Variants in NCALD observed in about 807,000 individuals in gnomAD.
NCALD encodes the protein neurocalcin delta.
Under a neutral mutation model 18.6 loss-of-function variants are expected in NCALD, and 10 were observed. The ratio of observed to expected loss-of-function variants is 0.54; its 90% CI spans 0.33 to 0.91. The LOEUF is 0.91. NCALD is among the 40% of genes least tolerant of loss of function. The probability of loss-of-function intolerance (pLI) is 0.03; values close to 1 mark genes in which losing one functional copy is unlikely to be tolerated. For synonymous variants in NCALD, 88 were observed against 87.4 expected, an observed-to-expected ratio of 1.01 and a Z score of -0.04; for missense variants, 184 against 247.6, an observed-to-expected ratio of 0.74 and a Z score of 1.72.
At chr8:101,960,764 A>G (rs927687238) in intron 2 of NCALD, among the ~76,000 whole-genome samples, 9 of 152,018 alleles carry the variant, frequency 5.9e-5, no homozygotes, top group Non-Finnish European at 1.3e-4. Flanking sequence ...GGTTTTGAGG[A>G]CCCTTTATTT....
At chr8:101,863,299 A>G (rs1815621433) in intron 4 of NCALD, among the ~76,000 whole-genome samples, 2 of 152,184 alleles carry the variant, frequency 1.3e-5, no homozygotes, top group Non-Finnish European at 2.9e-5. Context: ...AACTAGATTT[A>G]CCCACTCAAT....
intron 1 of NCALD, among the ~76,000 whole-genome samples, chr8:102,069,068 A>G (rs1824099116): frequency 6.6e-6 from 1 of 152,194 alleles, no homozygotes; most frequent in African/African-American, 2.4e-5. Context: ...ATGTTGTCCA[A>G]AGGGTGCAAA....
In NCALD at chr8:101,689,020, G is replaced by T; in HGVS notation, c.*289C>A. The T allele has an allele frequency of 1.4e-6, 1 of 698,626 alleles. No individual in the cohort carries two copies. The highest frequency in any genetic ancestry group is 1.5e-5 in the South Asian group (1 of 66,592). The allele number at this position is 698,626 out of a possible 1,614,324, so 43.3% of individuals were successfully genotyped here. ...CCCAACCCCCGAGTCTTACGTTTTA[G>T]AACAGAGACATTAGAATAAAAAAAA... On this transcript the variant is annotated 3_prime_UTR_variant, in exon 4 of 4. Transcript: ENST00000220931. The surrounding 1 kb of genome is among the most constrained non-coding windows in gnomAD (Gnocchi z 4.4).
At chr8:101,727,323 T>C (rs1226926099) in intron 1 of NCALD, among the ~76,000 whole-genome samples, 1 of 152,190 alleles carries the variant, frequency 6.6e-6, no homozygotes, top group African/African-American at 2.4e-5. Flanking sequence ...AGCACCTCAA[T>C]ACAAACTATT....
upstream of NCALD, among the ~76,000 whole-genome samples, chr8:101,791,929 G>A (rs558299589): frequency 2.1e-4 from 32 of 152,078 alleles, no homozygotes; most frequent in Non-Finnish European, 3.7e-4. Flanking sequence ...TTTCCTTTAC[G>A]ACGACCCTAG....
chr8:102,123,971 C>G (rs1826028965), intron 1 of NCALD: 1 of 152,670 alleles, frequency 6.6e-6, no homozygotes, highest in African/African-American at 2.4e-5. Context: ...TTTTCTGCCG[C>G]CCACCCTCAA....
intron 1 of NCALD, among the ~76,000 whole-genome samples, chr8:102,054,684 AG>A (rs1416034982): frequency 6.0e-4 from 70 of 116,320 alleles, no homozygotes; most frequent in African/African-American, 2.1e-3. Context: ...ATAGATAGAT[AG>A]ATAGATAGAT....
At chr8:102,039,142 T>C (rs911632042) in intron 1 of NCALD, among the ~76,000 whole-genome samples, 7 of 152,144 alleles carry the variant, frequency 4.6e-5, no homozygotes, top group African/African-American at 1.7e-4. Context: ...CAGGCCCTGC[T>C]ACCTCCTTGA....
At chr8:101,725,695 C>T (rs770228688) in intron 1 of NCALD, among the ~76,000 whole-genome samples, 29 of 152,202 alleles carry the variant, frequency 1.9e-4, no homozygotes, top group African/African-American at 5.5e-4. Flanking sequence ...TTCTTGCCTG[C>T]ATGCTCCCCA....
intron 1 of NCALD, among the ~76,000 whole-genome samples, chr8:102,041,001 C>T (rs1823031526): frequency 6.6e-6 from 1 of 152,202 alleles, no homozygotes; most frequent in African/African-American, 2.4e-5. Flanking sequence ...GTGCAATTTT[C>T]TGTCCTATTA....
intron 4 of NCALD, among the ~76,000 whole-genome samples, chr8:101,797,229 G>A (rs1586528819): frequency 6.6e-6 from 1 of 152,248 alleles, no homozygotes; most frequent in East Asian, 1.9e-4. Flanking sequence ...TCAAATGTTT[G>A]GGGTTTGCAA....
intron 1 of NCALD, among the ~76,000 whole-genome samples, chr8:101,776,325 C>G (rs1811788973): frequency 6.6e-6 from 1 of 152,164 alleles, no homozygotes; most frequent in African/African-American, 2.4e-5. Flanking sequence ...TCTAATGTGT[C>G]ATTCATTCTT....
At chr8:101,799,196 A>C (rs1218465074) in intron 4 of NCALD, among the ~76,000 whole-genome samples, 1 of 152,212 alleles carries the variant, frequency 6.6e-6, no homozygotes, top group African/African-American at 2.4e-5. Flanking sequence ...TATAAAAAAA[A>C]ATTTTCAACA....
rs1426251442 is a variant in NCALD at position 101,951,913 on chromosome 8, G to C, written c.-156-36055C>G. On this transcript the variant is annotated intron_variant, in intron 2 of 6. Coordinates refer to the NCALD transcript ENST00000311028. ...AGCCCCTGGTCCTCTCCAGAGCATG[G>C]AGTCCAATGTCAGTCAAGGCACAGC... 2.0e-5 allele frequency among the ~76,000 whole-genome samples: 3 copies of C among 152,318 alleles called. No homozygotes were observed. In the East Asian group the frequency reaches 5.8e-4, roughly 29 times the overall value.
chr8:101,981,448 A>G (rs1195641300), intron 2 of NCALD, among the ~76,000 whole-genome samples: 1 of 152,232 alleles, frequency 6.6e-6, no homozygotes, highest in Admixed American at 6.5e-5. Flanking sequence ...AAAACATTTT[A>G]TAACCTTTCT....
chr8:101,696,977 C>A (rs1815022851), intron 2 of NCALD, among the ~76,000 whole-genome samples: 1 of 151,602 alleles, frequency 6.6e-6, no homozygotes, highest in South Asian at 2.1e-4. Flanking sequence ...AACAGAGACA[C>A]AAAAAACCCT....
At chr8:101,733,038 G>A (rs1048275400) in intron 1 of NCALD, among the ~76,000 whole-genome samples, 4 of 152,098 alleles carry the variant, frequency 2.6e-5, no homozygotes, top group South Asian at 2.1e-4. Context: ...TGCAACTCAC[G>A]GTCCCAGGGG....
intron 4 of NCALD, among the ~76,000 whole-genome samples, chr8:101,822,391 G>T (rs74934278): frequency 1.3e-5 from 2 of 152,126 alleles, no homozygotes; most frequent in Admixed American, 6.5e-5. Context: ...GGAGAGAAAG[G>T]AGCTGGTCGA....
At chr8:101,804,582 TTATATAA>T (rs1181328248) in intron 4 of NCALD, among the ~76,000 whole-genome samples, 1 of 130,096 alleles carries the variant, frequency 7.7e-6, no homozygotes, top group African/African-American at 3.0e-5. Context: ...ATATAATTAA[TTATATAA>T]TATATAATTA....
Sources: allele counts gnomAD v4.1 joint callset (sites outside exome capture counted in the v4.1 genomes callset), GRCh38; gene constraint gnomAD v4.1.1; non-coding constraint Gnocchi (gnomAD v3.1); transcripts MANE v1.5; gene names NCBI Gene and HGNC (gene_info 2026-07-23, HGNC 2026-07-21).